GRM7: variants seen among roughly 807,000 people sequenced by gnomAD.
The protein encoded by GRM7 is metabotropic glutamate receptor 7.
In GRM7, 35 loss-of-function variants were observed where a neutral mutation model predicts 84.5. That is an observed-to-expected ratio of 0.41 (90% CI 0.32 to 0.55). The LOEUF (loss-of-function observed/expected upper bound fraction) is 0.55, where lower values mean the gene tolerates loss of function less well. Among genes scored for constraint, GRM7 ranks in the 20% least tolerant of loss-of-function variants. The pLI, the probability that GRM7 is intolerant of heterozygous loss-of-function variation, is 0.19. For missense variants in GRM7, 1,003 were observed against 1,194.6 expected (o/e 0.84, Z 2.36); for synonymous variants, 487 against 455.1 (o/e 1.07, Z -0.89).
At chr3:7,367,855 C>G (rs1244929080) in intron 4 of GRM7, among the ~76,000 whole-genome samples, 1 of 151,276 alleles carries the variant, frequency 6.6e-6, no homozygotes, top group Non-Finnish European at 1.5e-5. Flanking sequence ...AAGCATTCAT[C>G]TGAAACCTTA....
Position 7,289,689 on chromosome 3 carries a change from T to A in GRM7, c.737-8995T>A, listed in dbSNP as rs1699551188. 2.0e-5 allele frequency among the ~76,000 whole-genome samples: 3 copies of A among 152,072 alleles called. No homozygotes were observed. The South Asian group carries it at 6.2e-4, about 31-fold the overall frequency. ...AATACTATGCAGCCATCAAAAAGAA[T>A]GAGTTCATGTCCTTTGTAGGGACAT... On this transcript the variant is annotated intron_variant, in intron 2 of 9. Coordinates refer to ENST00000357716, the MANE Select transcript of GRM7 (RefSeq NM_000844.4).
At chr3:7,412,033 CCT>C (rs148851965) in intron 4 of GRM7, among the ~76,000 whole-genome samples, 5 of 149,532 alleles carry the variant, frequency 3.3e-5, no homozygotes, top group African/African-American at 7.4e-5. Context: ...TCTCCTCTCT[CCT>C]CTCTCTCTCT....
chr3:7,353,073 A>T (rs1693231621), intron 4 of GRM7, among the ~76,000 whole-genome samples: 1 of 152,052 alleles, frequency 6.6e-6, no homozygotes, highest in Non-Finnish European at 1.5e-5. Context: ...TGGGCTGTGT[A>T]TGTGCAGTAG....
At chr3:7,025,079 G>A (rs1388077630) in intron 1 of GRM7, among the ~76,000 whole-genome samples, 1 of 152,136 alleles carries the variant, frequency 6.6e-6, no homozygotes, top group Admixed American at 6.5e-5. Flanking sequence ...GCCTCTGTTT[G>A]TCATCAAAAC....
intron 1 of GRM7, among the ~76,000 whole-genome samples, chr3:7,019,451 CCTCT>C (rs1038176855): frequency 9.2e-5 from 14 of 152,126 alleles, no homozygotes; most frequent in African/African-American, 3.4e-4. Flanking sequence ...CCTATCCATC[CCTCT>C]CTCTCCCCTA....
chr3:7,416,320 T>A (rs1216210845), intron 5 of GRM7, among the ~76,000 whole-genome samples: 1 of 152,136 alleles, frequency 6.6e-6, no homozygotes, highest in East Asian at 1.9e-4. Context: ...TCTTTAAACA[T>A]CAGCCTTTAC....
chr3:7,150,032 T>A (rs1461348039), intron 2 of GRM7, among the ~76,000 whole-genome samples: 1 of 152,064 alleles, frequency 6.6e-6, no homozygotes, highest in East Asian at 1.9e-4. Flanking sequence ...ATTTGCATTG[T>A]CCTATGTATG....
chr3:7,481,206 G>C (rs1699115074), intron 7 of GRM7, among the ~76,000 whole-genome samples: 1 of 151,928 alleles, frequency 6.6e-6, no homozygotes, highest in African/African-American at 2.4e-5. Flanking sequence ...AACCTCTCAA[G>C]TAGCTGGGAC....
At chr3:7,381,124 G>T (rs1235541582) in intron 4 of GRM7, among the ~76,000 whole-genome samples, 1 of 152,020 alleles carries the variant, frequency 6.6e-6, no homozygotes, top group Non-Finnish European at 1.5e-5. Context: ...GTACATTTGA[G>T]TATCATCTAC....
intron 9 of GRM7, among the ~76,000 whole-genome samples, chr3:7,695,077 A>G (rs932846350): frequency 6.6e-6 from 1 of 152,134 alleles, no homozygotes; most frequent in Admixed American, 6.6e-5. Flanking sequence ...TGATTTTTGA[A>G]AAGTTATTTG....
intron 1 of GRM7, among the ~76,000 whole-genome samples, chr3:7,058,222 T>C (rs951462461): frequency 4.6e-5 from 7 of 151,962 alleles, no homozygotes; most frequent in Non-Finnish European, 1.0e-4. Context: ...TTCTATAAAA[T>C]AACCACATAA....
At chr3:7,002,068 C>T (rs1695030268) in intron 1 of GRM7, among the ~76,000 whole-genome samples, 1 of 152,152 alleles carries the variant, frequency 6.6e-6, no homozygotes, top group African/African-American at 2.4e-5. Flanking sequence ...GGGAAACTTT[C>T]TAGACAATTT....
chr3:7,609,203 A>C (rs1696733276), intron 8 of GRM7, among the ~76,000 whole-genome samples: 1 of 152,156 alleles, frequency 6.6e-6, no homozygotes, highest in African/African-American at 2.4e-5. Context: ...ACAGGGACCA[A>C]AGATAGAGCC....
At chr3:7,519,921 A>C (rs1700531970) in intron 7 of GRM7, 1 of 152,492 alleles carries the variant, frequency 6.6e-6, no homozygotes, top group African/African-American at 2.4e-5. Flanking sequence ...TGGGGACCTC[A>C]GTTCCACTCC....
chr3:7,371,079 T>A (rs955729603), intron 4 of GRM7, among the ~76,000 whole-genome samples: 3 of 152,200 alleles, frequency 2.0e-5, no homozygotes, highest in Non-Finnish European at 4.4e-5. Flanking sequence ...CTATTGAATG[T>A]TCAGTGGAAT....
At chr3:7,070,487 C>T (rs996281010) in intron 1 of GRM7, among the ~76,000 whole-genome samples, 1 of 152,068 alleles carries the variant, frequency 6.6e-6, no homozygotes, top group Non-Finnish European at 1.5e-5. Flanking sequence ...ATTTTTGCTT[C>T]AGAAACGGGT....
chr3:6,887,769 T>C (rs1695759511), intron 1 of GRM7, among the ~76,000 whole-genome samples: 1 of 152,186 alleles, frequency 6.6e-6, no homozygotes, highest in Non-Finnish European at 1.5e-5. Context: ...CTGGGTCAAA[T>C]GGTATTTCTA....
intron 1 of GRM7, among the ~76,000 whole-genome samples, chr3:6,981,885 A>C (rs1011537459): frequency 7.2e-5 from 11 of 152,304 alleles, no homozygotes; most frequent in African/African-American, 2.4e-4. Context: ...CGTGGAAAGC[A>C]ATTCGTAGAT....
chr3:7,692,223 A>ACC (rs1700833062), intron 9 of GRM7, among the ~76,000 whole-genome samples: 1 of 152,162 alleles, frequency 6.6e-6, no homozygotes, highest in Non-Finnish European at 1.5e-5. Flanking sequence ...ATAGGCTCAT[A>ACC]CCACCTGATA....
Sources: gnomAD v4.1 joint callset for allele counts (sites outside exome capture counted in the v4.1 genomes callset) on GRCh38, gnomAD v4.1.1 for gene constraint, MANE v1.5 for transcripts, NCBI Gene and HGNC (gene_info 2026-07-23, HGNC 2026-07-21) for gene names.